MCF2L2: variants seen among roughly 807,000 people sequenced by gnomAD.
MCF2L2 encodes the protein probable guanine nucleotide exchange factor MCF2L2.
Under a neutral mutation model 150.2 loss-of-function variants are expected in MCF2L2, and 102 were observed. The ratio of observed to expected loss-of-function variants is 0.68; its 90% confidence interval spans 0.58 to 0.80. The LOEUF is 0.80. Ranked by LOEUF, MCF2L2 falls within the 30% of genes least tolerant of loss-of-function variation. The pLI is 0.00. For missense variants in MCF2L2, 1,256 were observed against 1,372.8 expected (o/e 0.91, Z 1.34); for synonymous variants, 465 against 491.3 (o/e 0.95, Z 0.71).
exon 1 of MCF2L2, chr3:183,428,615 TGACTGAGGC>T (rs1716291613): frequency 2.0e-5 from 3 of 152,122 alleles, no homozygotes; most frequent in Admixed American, 2.0e-4. The surrounding 1 kb of genome is among the most constrained non-coding windows in gnomAD (Gnocchi z 5.1). Context: ...GGGGAGACAG[TGACTGAGGC>T]GCTCCAGTCG....
chr3:183,341,447 A>G, intron 4 of MCF2L2, 93 bp downstream of exon 4: 1 of 1,022,844 alleles, frequency 9.8e-7, no homozygotes, highest in Admixed American at 2.0e-5. Context: ...TTTGACATAA[A>G]ATAATTGCCT....
intron 14 of MCF2L2, among the ~76,000 whole-genome samples, chr3:183,286,877 TCAA>T (rs1178714200): frequency 6.6e-6 from 1 of 152,088 alleles, no homozygotes; most frequent in Non-Finnish European, 1.5e-5. Flanking sequence ...CGCAAACAAA[TCAA>T]CAATAAGGAA....
At chr3:183,327,568 GCTC>G (rs529553551) in intron 5 of MCF2L2, among the ~76,000 whole-genome samples, 5 of 152,092 alleles carry the variant, frequency 3.3e-5, no homozygotes, top group Admixed American at 6.5e-5. Context: ...ATTACATAAT[GCTC>G]CTCATGTTCC....
At chr3:183,312,328 C>T (rs1729416322) in intron 7 of MCF2L2, among the ~76,000 whole-genome samples, 1 of 152,192 alleles carries the variant, frequency 6.6e-6, no homozygotes, top group Non-Finnish European at 1.5e-5. Context: ...TACTTCCAAG[C>T]CAACCCCCCA....
At chr3:183,372,562 C>T (rs1466887066) in intron 3 of MCF2L2, 4 of 152,106 alleles carry the variant, frequency 2.6e-5, no homozygotes, top group Admixed American at 1.3e-4. Flanking sequence ...CATGGTGTCA[C>T]GTGCCTGTAG....
intron 3 of MCF2L2, among the ~76,000 whole-genome samples, chr3:183,345,330 A>G (rs1210313842): frequency 2.0e-5 from 3 of 152,220 alleles, no homozygotes; most frequent in Non-Finnish European, 2.9e-5. Context: ...GTGGGTAAAT[A>G]ACGAAATTAA....
In MCF2L2 at chr3:183,398,728, G is replaced by C. The variant is rs998761496; in HGVS notation, c.77-8949C>G. Among the ~76,000 whole-genome samples the C allele has an allele frequency of 3.0e-4, 45 of 152,054 alleles. 1 individual carries two copies. Among genetic ancestry groups the C allele is most frequent in the Non-Finnish European group, 2.9e-5 (2 of 68,020 alleles). Reference sequence around the variant, plus strand: ...AATTCCCCTAATCAGTGTTGCTTTAGTCCGAAAAGTCAGCTGACAGTATCT... The same window carrying C: ...AATTCCCCTAATCAGTGTTGCTTTACTCCGAAAAGTCAGCTGACAGTATCT... On this transcript the variant is annotated intron_variant, in intron 1 of 29. Transcript: ENST00000328913.
rs146490386 is a variant in MCF2L2 at position 183,339,036 on chromosome 3, G to A, written c.367-117C>T. The A allele has an allele frequency of 8.8e-4, 845 of 960,028 alleles. 2 individuals are homozygous for A. Among genetic ancestry groups the A allele is most frequent in the Middle Eastern group, 8.5e-3 (26 of 3,044 alleles). The allele number at this position is 960,028 out of a possible 1,614,324, so 59.5% of individuals were successfully genotyped here. ...GATCACAGAAGGAAAAGTTAAAACG[G>A]ATGCCATGGATGTAAATTTCACCAG... is the stretch of plus-strand genomic sequence containing the variant. On this transcript the variant is annotated intron_variant, in intron 4 of 29. Coordinates refer to ENST00000328913, the MANE Select transcript of MCF2L2 (RefSeq NM_015078.4).
In MCF2L2 at chr3:183,428,345, C is replaced by T; in HGVS notation, c.-368G>A. On this transcript the variant is annotated 5_prime_UTR_variant, in exon 1 of 30. Transcript: ENST00000328913. The surrounding 1 kb of genome is among the most constrained non-coding windows in gnomAD (Gnocchi z 5.1). ...CCGGCCGCCAGGTTTCCGGCGCCGC[C>T]TCCAGGGACTGTAGAGTGAGGGATG... 3.5e-6 allele frequency: 1 copy of T among 284,660 alleles called. No individual in the cohort carries two copies. Among genetic ancestry groups the T allele is most frequent in the Non-Finnish European group, 6.6e-6 (1 of 150,912 alleles). 17.6% of individuals were successfully genotyped at this position (284,660 alleles called of 1,614,324 possible).
At chr3:183,228,411 A>T (rs765502787) in intron 17 of MCF2L2, 45 bp from the exon 18 acceptor site, 1 of 1,343,590 alleles carries the variant, frequency 7.4e-7, no homozygotes, top group Non-Finnish European at 1.1e-6. Context: ...TGATTTTGAC[A>T]TGTAGGTAAT....
intron 3 of MCF2L2, among the ~76,000 whole-genome samples, chr3:183,342,015 C>T (rs1730719452): frequency 6.6e-6 from 1 of 152,204 alleles, no homozygotes; most frequent in Non-Finnish European, 1.5e-5. Flanking sequence ...AGTACAGTAA[C>T]ACGCTCAGCT....
intron 1 of MCF2L2, among the ~76,000 whole-genome samples, chr3:183,404,883 A>C (rs971821942): frequency 6.6e-6 from 1 of 152,150 alleles, no homozygotes; most frequent in Non-Finnish European, 1.5e-5. Context: ...AGAAAAAAAA[A>C]ATCTGAAATG....
Position 183,379,428 on chromosome 3 carries a change from T to TG in MCF2L2, c.161-18dup. 6.4e-7 allele frequency: 1 copy of TG among 1,574,728 alleles called. No individual in the cohort carries two copies. The highest frequency in any genetic ancestry group is 8.7e-7 in the Non-Finnish European group (1 of 1,147,986). ...CTCGGCCTCCTGCAACAAAAACAGG[T>TG]GGTCAAAATGTTAGCAAAATGTTGT... On this transcript the variant is annotated splice_polypyrimidine_tract_variant and intron_variant, in intron 2 of 29. Transcript: ENST00000328913.
chr3:183,342,133 T>A (rs550932909), intron 3 of MCF2L2, among the ~76,000 whole-genome samples: 1 of 152,214 alleles, frequency 6.6e-6, no homozygotes, highest in South Asian at 2.1e-4. Context: ...AATAGGCCAA[T>A]AGACAATATG....
rs1470043016 is a variant in MCF2L2, at chr3:183,270,275, A to G, written c.1862+6597T>C. 6.2e-7 allele frequency: 1 copy of G among 1,614,246 alleles called. No individual in the cohort carries two copies. On this transcript the variant is annotated intron_variant, in intron 15 of 29. Coordinates refer to ENST00000328913, the MANE Select transcript of MCF2L2 (RefSeq NM_015078.4). The surrounding 1 kb of genome is among the most constrained non-coding windows in gnomAD (Gnocchi z 4.5). ...AAAGGTACAATGATATAATTCAGCA[A>G]GACTTTGTTGATTCTTTCTACAATC... is the stretch of plus-strand genomic sequence containing the variant.
rs1176436575 is a variant in MCF2L2, at chr3:183,270,754, T to A, written c.1862+6118A>T. ...TATCATCCCTGCATCTATGAAAAAA[T>A]GATGACATCTCATGGACACTTAGAA... is the stretch of plus-strand genomic sequence containing the variant. On this transcript the variant is annotated intron_variant, in intron 15 of 29. Transcript: ENST00000328913. The surrounding 1 kb of genome is among the most constrained non-coding windows in gnomAD (Gnocchi z 4.5). 2.5e-6 allele frequency: 4 copies of A among 1,613,642 alleles called. No individual in the cohort carries two copies. The highest frequency in any genetic ancestry group is 2.5e-6 in the Non-Finnish European group (3 of 1,179,880).
chr3:183,416,828 G>C (rs1412592696), intron 1 of MCF2L2, among the ~76,000 whole-genome samples: 1 of 152,124 alleles, frequency 6.6e-6, no homozygotes, highest in Non-Finnish European at 1.5e-5. Flanking sequence ...TTAGAGATCA[G>C]GCTGGGAGTG....
At position 183,242,898 on chromosome 3, in the gene MCF2L2, A is replaced by G. The variant is rs550130699; in HGVS notation, c.1863-11881T>C. ...AAAGCCACAGGGGCAGAGTTGCCCA[A>G]GGCTGTGGTGGGAACCCACCTCTTG... On this transcript the variant is annotated intron_variant, in intron 15 of 29. Coordinates refer to ENST00000328913, the MANE Select transcript of MCF2L2 (RefSeq NM_015078.4). 1.7e-3 allele frequency among the ~76,000 whole-genome samples: 259 copies of G among 152,380 alleles called. 1 individual carries two copies. Among genetic ancestry groups the G allele is most frequent in the Non-Finnish European group, 3.4e-3 (228 of 68,038 alleles).
intron 5 of MCF2L2, among the ~76,000 whole-genome samples, chr3:183,337,237 T>C (rs1006845105): frequency 6.6e-6 from 1 of 151,998 alleles, no homozygotes; most frequent in South Asian, 2.1e-4. Flanking sequence ...TTTCTTCTGG[T>C]TGGGTCATAG....
Sources: gnomAD v4.1 joint callset for allele counts (sites outside exome capture counted in the v4.1 genomes callset) on GRCh38, gnomAD v4.1.1 for gene constraint, Gnocchi (gnomAD v3.1) non-coding constraint, MANE v1.5 for transcripts, NCBI Gene and HGNC (gene_info 2026-07-23, HGNC 2026-07-21) for gene names.